SLX4: variants seen among roughly 807,000 people sequenced by gnomAD.
SLX4 encodes the protein SLX4 structure-specific endonuclease subunit.
Under a neutral mutation model 146.2 loss-of-function variants are expected in SLX4, and 112 were observed. The ratio of observed to expected loss-of-function variants is 0.77; its 90% CI spans 0.66 to 0.90. The LOEUF (loss-of-function observed/expected upper bound fraction) is 0.90. SLX4 is among the 40% of genes least tolerant of loss of function. The pLI is 0.00. For missense variants in SLX4, 2,563 were observed against 2,392.7 expected (o/e 1.07, Z -1.49); for synonymous variants, 1,061 against 997.7 (o/e 1.06, Z -1.20).
intron 13 of SLX4, among the ~76,000 whole-genome samples, chr16:3,584,004 A>G (rs2040476090): frequency 6.6e-6 from 1 of 151,962 alleles, no homozygotes; most frequent in African/African-American, 2.4e-5. Context: ...GTCTCCAAAA[A>G]TAAAAAATAA....
At chr16:3,584,660 C>T (rs753097875) in intron 13 of SLX4, 109 bp downstream of exon 13, 37 of 872,368 alleles carry the variant, frequency 4.2e-5, no homozygotes, top group Non-Finnish European at 6.7e-5. Context: ...CTGCATCCAC[C>T]AGACCCAGAG....
Position 3,597,465 on chromosome 16 carries a change from C to G in SLX4, c.1597G>C (p.Gly533Arg), listed in dbSNP as rs200437227. The change falls in exon 7 of 15, where the codon GGC (glycine) becomes CGC (arginine). Residue 533 changes from glycine to arginine, a missense_variant. By Grantham distance (125) the Gly-to-Arg change is moderately radical. Transcript: ENST00000294008. The surrounding 1 kb of genome is among the most constrained non-coding windows in gnomAD (Gnocchi z 4.4). ...PERKQSFLWE[G>R]SALTGAWAME... is the part of the protein sequence containing the mutation. ...GCCCAGGCCCCAGTCAGTGCGCTGC[C>G]CTCCCACAGAAAGCTCTGCTTGCGT... is the stretch of plus-strand genomic sequence containing the variant. The G allele has an allele frequency of 1.9e-6, 3 of 1,613,750 alleles. No homozygotes were observed. The East Asian group carries it at 6.7e-5, about 36-fold the overall frequency.
Position 3,596,423 on chromosome 16 carries a change from C to T in SLX4, c.1684-30G>A, listed in dbSNP as rs375217750. On this transcript the variant is annotated intron_variant, in intron 7 of 14. Coordinates refer to ENST00000294008, the MANE Select transcript of SLX4 (RefSeq NM_032444.4). ...AAGAAGCCAGTAAGGAGAGTGACCA[C>T]GTGGTCACTGTCATTGACGCACACA... 15 of 1,567,318 alleles carry T rather than the reference C, an allele frequency of 9.6e-6. No homozygotes were observed. The East Asian group carries it at 1.8e-4, about 19-fold the overall frequency.
At chr16:3,594,411 G>A (rs928427447) in intron 10 of SLX4, 42 bp downstream of exon 10, 8 of 1,590,312 alleles carry the variant, frequency 5.0e-6, no homozygotes, top group Non-Finnish European at 6.8e-6. Flanking sequence ...AGGAGAGAGG[G>A]AGAGAGAGGA....
intron 12 of SLX4, among the ~76,000 whole-genome samples, chr16:3,585,786 G>A (rs116780475): frequency 0.029 from 2,993 of 104,220 alleles, 104 homozygotes; most frequent in African/African-American, 0.091. Context: ...CAAAATGGCA[G>A]AACCCTATCT....
In SLX4 at chr16:3,601,012, T is replaced by C. The variant is rs1477346987; in HGVS notation, c.1130A>G (p.Gln377Arg). ...LLQAVRLQTA[Q>R]PEGSSSPPMF... ...GGGTGGGCTGCTGCTACCCTCAGGC[T>C]GTGCTGTCTGCAGCCGCACAGCCTG... The change falls in exon 5 of 15, where the codon CAG becomes CGG. Residue 377 changes from glutamine to arginine, a missense_variant. Transcript: ENST00000294008. 7 of 1,613,792 alleles carry C rather than the reference T, an allele frequency of 4.3e-6. No homozygotes were observed. Among genetic ancestry groups the C allele is most frequent in the East Asian group, 2.2e-5 (1 of 44,898 alleles).
At chr16:3,594,379 G>T (rs1018326742) in intron 10 of SLX4, 74 bp downstream of exon 10, 1 of 1,555,666 alleles carries the variant, frequency 6.4e-7, no homozygotes, top group South Asian at 1.2e-5. Flanking sequence ...GACATGGGAA[G>T]ACCTGGTTGG....
At chr16:3,591,382 C>A in intron 11 of SLX4, 72 bp from the exon 12 acceptor site, 6 of 1,588,090 alleles carry the variant, frequency 3.8e-6, no homozygotes, top group Non-Finnish European at 5.1e-6. Context: ...GGTGGGGTGG[C>A]GGACCAGAGC....
intron 12 of SLX4, among the ~76,000 whole-genome samples, chr16:3,585,155 T>A (rs925643294): frequency 6.6e-6 from 1 of 152,096 alleles, no homozygotes; most frequent in African/African-American, 2.4e-5. Flanking sequence ...GACTAAAACT[T>A]ATGCATGTAA....
At chr16:3,596,526 G>T in intron 7 of SLX4, 133 bp from the exon 8 acceptor site, 1 of 1,133,216 alleles carries the variant, frequency 8.8e-7, no homozygotes, top group Non-Finnish European at 1.2e-6. Flanking sequence ...GGGACAGACT[G>T]TCCCCGGGGC....
Position 3,597,655 on chromosome 16 carries a change from T to C in SLX4, c.1407A>G (p.Pro469=), listed in dbSNP as rs1567174102. The C allele has an allele frequency of 1.3e-6, 2 of 1,519,346 alleles. No individual in the cohort carries two copies. Among genetic ancestry groups the C allele is most frequent in the African/African-American group, 2.8e-5 (2 of 71,054 alleles). 94.1% of individuals were successfully genotyped at this position (1,519,346 alleles called of 1,614,324 possible). A position where few individuals can be genotyped will look rare whatever the true frequency, so the allele number is the denominator to read the frequency against. Residue 469 remains proline (P), a synonymous_variant, in exon 7 of 15, where the codon CCA becomes CCG. Coordinates refer to ENST00000294008, the MANE Select transcript of SLX4 (RefSeq NM_032444.4). This position sits in a 1 kb window ranked among gnomAD's most constrained non-coding sequence, Gnocchi z 4.4. Reference sequence around the variant, plus strand: ...TTTCAGAGTCCTGGACTAACAACAATGGGGGGGATACCGGGGGTTTCTTCT... The same window carrying C: ...TTTCAGAGTCCTGGACTAACAACAACGGGGGGGATACCGGGGGTTTCTTCT... ...SRKKKPPVSP[P]LLLVQDSETT... is the part of the protein sequence containing the mutation.
rs1205902549 is a variant in SLX4, at chr16:3,582,565, C to T, written c.5282G>A (p.Arg1761His). The T allele has an allele frequency of 2.5e-6, 4 of 1,613,656 alleles. No individual in the cohort carries two copies. The highest frequency in any genetic ancestry group is 2.2e-5 in the East Asian group (1 of 44,896). ...DTDEALRCYIRSKPALYQKVL... is the reference protein window; with the variant it reads ...DTDEALRCYIHSKPALYQKVL... ...CTTCTGGTACAGGGCCGGCTTGGAG[C>T]GGATGTAGCACCTCAGCGCCTCGTC... The change falls in exon 15 of 15, where the codon CGC becomes CAC. Residue 1761 changes from arginine (R) to histidine (H), a missense_variant. Arg to His is a conservative substitution (Grantham distance 29). Transcript: ENST00000294008.
intron 5 of SLX4, 83 bp from the exon 6 acceptor site, chr16:3,598,082 T>C: frequency 6.5e-7 from 1 of 1,534,904 alleles, no homozygotes; most frequent in South Asian, 1.1e-5. Flanking sequence ...TGGAGAGGGC[T>C]GGGCCTGAGA....
chr16:3,595,589 C>A lies in SLX4; in HGVS notation c.2013+16G>T. 1.2e-6 allele frequency: 2 copies of A among 1,613,472 alleles called. No individual in the cohort carries two copies. Among genetic ancestry groups the A allele is most frequent in the Non-Finnish European group, 1.7e-6 (2 of 1,179,926 alleles). On this transcript the variant is annotated intron_variant, in intron 9 of 14. Coordinates refer to ENST00000294008, the MANE Select transcript of SLX4 (RefSeq NM_032444.4). ...ATGGCCGGGACCAGAGAGCGCGGGCCAGAGCCAGTTCTTACCAAGGTGCGG... is the reference window on the plus strand; with the variant it reads ...ATGGCCGGGACCAGAGAGCGCGGGCAAGAGCCAGTTCTTACCAAGGTGCGG...
chr16:3,594,630 C>A, intron 9 of SLX4, 31 bp from the exon 10 acceptor site: 1 of 1,613,614 alleles, frequency 6.2e-7, no homozygotes, highest in Non-Finnish European at 8.5e-7. Context: ...GAGCCGTCAC[C>A]TCCCCACCTC....
At position 3,590,269 on chromosome 16, in the gene SLX4, A is replaced by C. The variant is rs542069588; in HGVS notation, c.3369T>G (p.Ser1123=). The change falls in exon 12 of 15, where the codon TCT becomes TCG. Residue 1123 remains serine, a synonymous_variant. Coordinates refer to ENST00000294008, the MANE Select transcript of SLX4 (RefSeq NM_032444.4). The surrounding 1 kb of genome is among the most constrained non-coding windows in gnomAD (Gnocchi z 4.8). The part of the protein sequence containing the change: ...GVLMFPEKSP[S]IDLTQSNPDH... The stretch of plus-strand genomic sequence containing the variant: ...CAGGATTTGACTGGGTTAGGTCAAT[A>C]GACGGAGATTTTTCTGGGAACATCA... 2.5e-6 allele frequency: 4 copies of C among 1,614,106 alleles called. No individual in the cohort carries two copies. The African/African-American group carries it at 5.3e-5, about 22-fold the overall frequency.
Position 3,589,846 on chromosome 16 carries a change from G to C in SLX4, c.3792C>G (p.Ser1264Arg). Residue 1264 changes from serine to arginine, a missense_variant, in exon 12 of 15, where the codon AGC (serine) becomes AGG (arginine). Ser to Arg is a moderately radical substitution (Grantham distance 110). Coordinates refer to ENST00000294008, the MANE Select transcript of SLX4 (RefSeq NM_032444.4). This position sits in a 1 kb window ranked among gnomAD's most constrained non-coding sequence, Gnocchi z 6.2. ...SWLVPATPLASRSRDCSSQTQ... is the reference protein window; with the variant it reads ...SWLVPATPLARRSRDCSSQTQ... The stretch of plus-strand genomic sequence containing the variant: ...TCTGGGAAGAACAGTCACGGCTTCT[G>C]CTGGCCAGCGGGGTGGCGGGCACCA... 5.6e-6 allele frequency: 9 copies of C among 1,613,398 alleles called. No homozygotes were observed. Among genetic ancestry groups the C allele is most frequent in the Non-Finnish European group, 7.6e-6 (9 of 1,180,022 alleles).
At position 3,586,168 on chromosome 16, in the gene SLX4, C is replaced by G. The variant is rs144560496; in HGVS notation, c.4637-1297G>C. On this transcript the variant is annotated intron_variant, in intron 12 of 14. Coordinates refer to ENST00000294008, the MANE Select transcript of SLX4 (RefSeq NM_032444.4). ...AGTACAGAACCAAGAAGAAGGAAAACATGTCTACACGAAAACTTGCACATC... is the reference window on the plus strand; with the variant it reads ...AGTACAGAACCAAGAAGAAGGAAAAGATGTCTACACGAAAACTTGCACATC... Among the ~76,000 whole-genome samples the G allele has an allele frequency of 4.7e-3, 709 of 152,240 alleles. 4 individuals are homozygous for G. The highest frequency in any genetic ancestry group is 0.017 in the Middle Eastern group (5 of 294).
rs922249218 is a variant in SLX4 at position 3,592,702 on chromosome 16, T to C, written c.2324A>G (p.His775Arg). 1 of 1,612,978 alleles carries C rather than the reference T, an allele frequency of 6.2e-7. No homozygotes were observed. The highest frequency in any genetic ancestry group is 8.5e-7 in the Non-Finnish European group (1 of 1,179,840). ...AAAGCTGGGGAGCAATCCAGACCTG[T>C]GGGCCAGGGAGCTCAGCTCAGAGCT... The part of the protein sequence containing the change: ...GLSSELSSLA[H>R]RFGVSELVHL... Residue 775 changes from histidine to arginine, a missense_variant, in exon 11 of 15, where the codon CAC becomes CGC. Transcript: ENST00000294008.
Sources: allele counts gnomAD v4.1 joint callset (sites outside exome capture counted in the v4.1 genomes callset), GRCh38; gene constraint gnomAD v4.1.1; non-coding constraint Gnocchi (gnomAD v3.1); transcripts MANE v1.5; gene names NCBI Gene and HGNC (gene_info 2026-07-23, HGNC 2026-07-21).